EFCAB12: variants seen among roughly 807,000 people sequenced by gnomAD.
EFCAB12 encodes the protein EF-hand calcium-binding domain-containing protein 12.
In EFCAB12, 43 loss-of-function variants were observed where a neutral mutation model predicts 53.6. That is an observed-to-expected ratio of 0.80 (90% CI 0.63 to 1.03). The LOEUF (loss-of-function observed/expected upper bound fraction) is 1.03, where lower values mean the gene tolerates loss of function less well. Among genes scored for constraint, EFCAB12 ranks in the 50% least tolerant of loss-of-function variants. EFCAB12 has a pLI of 0.00. For synonymous variants in EFCAB12, 269 were observed against 289.2 expected (o/e 0.93, Z 0.71); for missense variants, 646 against 730.6 (o/e 0.88, Z 1.34).
chr3:129,402,438 A>T, intron 8 of EFCAB12, 85 bp downstream of exon 8: 1 of 1,435,732 alleles, frequency 7.0e-7, no homozygotes, highest in South Asian at 1.2e-5. Context: ...CTGTTGTGCC[A>T]GGAGTGCAGA....
At position 129,421,710 on chromosome 3, in the gene EFCAB12, T is replaced by C; in HGVS notation, c.143A>G (p.Lys48Arg). Residue 48 changes from lysine to arginine, a missense_variant, in exon 2 of 9, where the codon AAG becomes AGG. Coordinates refer to ENST00000505956, the MANE Select transcript of EFCAB12 (RefSeq NM_207307.3). ...IAHCFKQFQQ[K>R]DFRLPQTRRR... Reference sequence around the variant, plus strand: ...GCGGGTCTGAGGCAGGCGGAAGTCCTTCTGCTGGAACTGCTTGAAGCAGTG... The same window carrying C: ...GCGGGTCTGAGGCAGGCGGAAGTCCCTCTGCTGGAACTGCTTGAAGCAGTG... The C allele has an allele frequency of 6.2e-7, 1 of 1,613,812 alleles. No homozygotes were observed. The highest frequency in any genetic ancestry group is 8.5e-7 in the Non-Finnish European group (1 of 1,179,846).
Position 129,408,708 on chromosome 3 carries a change from G to T in EFCAB12, c.1186C>A (p.Leu396Met). 6.3e-7 allele frequency: 1 copy of T among 1,589,194 alleles called. No individual in the cohort carries two copies. Residue 396 changes from leucine (L) to methionine (M), a missense_variant, in exon 6 of 9, where the codon CTG (leucine) becomes ATG (methionine). Transcript: ENST00000505956. ...SARRHNFLVY[L>M]QCWKLCKSYG... ...GACTTACAGAGCTTCCAGCATTGCA[G>T]GTAGACCAGAAAGTTGTGCCTGCGG... is the stretch of plus-strand genomic sequence containing the variant.
At chr3:129,410,853 A>G (rs1380958017) in intron 5 of EFCAB12, among the ~76,000 whole-genome samples, 2 of 152,206 alleles carry the variant, frequency 1.3e-5, no homozygotes, top group Admixed American at 1.3e-4. Flanking sequence ...GCCCTGTGCC[A>G]GGTGCCTGGA....
At position 129,428,493 on chromosome 3, in the gene EFCAB12, G is replaced by T. The variant is rs766660753; in HGVS notation, c.-5C>A. The T allele has an allele frequency of 6.2e-7, 1 of 1,611,184 alleles. No individual in the cohort carries two copies. Among genetic ancestry groups the T allele is most frequent in the Admixed American group, 1.7e-5 (1 of 59,616 alleles). On this transcript the variant is annotated 5_prime_UTR_variant, in exon 1 of 9. Coordinates refer to ENST00000505956, the MANE Select transcript of EFCAB12 (RefSeq NM_207307.3). Reference sequence around the variant, plus strand: ...CGCTTCATAGTCGTCGTCCATGGTCGTGGTGCTGGGAGGGGGTGCTGAAGG... The same window carrying T: ...CGCTTCATAGTCGTCGTCCATGGTCTTGGTGCTGGGAGGGGGTGCTGAAGG...
intron 4 of EFCAB12, chr3:129,413,498 AAAAGCAGACT>A (rs1393033088): frequency 6.6e-6 from 1 of 152,262 alleles, no homozygotes; most frequent in Non-Finnish European, 1.5e-5. Context: ...TAGGGAAGCT[AAAAGCAGACT>A]TGGGGGATAT....
intron 3 of EFCAB12, among the ~76,000 whole-genome samples, chr3:129,417,344 A>AC (rs796923195): frequency 0.045 from 6,584 of 144,740 alleles, 717 homozygotes; most frequent in East Asian, 0.4. Flanking sequence ...AAAAAACCAA[A>AC]AAAAAAAAAC....
chr3:129,406,048 T>TAAAAAAA (rs528836223), intron 6 of EFCAB12, among the ~76,000 whole-genome samples: 2 of 137,854 alleles, frequency 1.5e-5, no homozygotes, highest in East Asian at 2.1e-4. Flanking sequence ...CCCCATCTCT[T>TAAAAAAA]AAAAAAAAAA....
Position 129,408,971 on chromosome 3 carries a change from G to C in EFCAB12, c.1036-113C>G, listed in dbSNP as rs947632246. The C allele has an allele frequency of 2.1e-5, 26 of 1,237,210 alleles. No individual in the cohort carries two copies. In the South Asian group the frequency reaches 3.1e-4, roughly 15 times the overall value. 76.6% of individuals were successfully genotyped at this position (1,237,210 alleles called of 1,614,324 possible). On this transcript the variant is annotated intron_variant, in intron 5 of 8. Coordinates refer to ENST00000505956, the MANE Select transcript of EFCAB12 (RefSeq NM_207307.3). ...CCTCTCCCCTGCGAGGTCCCCATGA[G>C]GGGTGATGGCAACCAACGTCCAGTG...
In EFCAB12 at chr3:129,411,285, G is replaced by A. The variant is rs1366286684; in HGVS notation, c.908C>T (p.Pro303Leu). Residue 303 changes from proline to leucine, a missense_variant, in exon 5 of 9, where the codon CCA becomes CTA. Physicochemically the swap from Pro to Leu is moderately conservative, Grantham distance 98. Transcript: ENST00000505956. The part of the protein sequence containing the change: ...PLKKQEVDSA[P>L]QLPKVDLLTV... ...CAGTAGGTCCACTTTGGGAAGCTGT[G>A]GGGCTGAATCCACCTCCTGCTTCTT... is the stretch of plus-strand genomic sequence containing the variant. The A allele has an allele frequency of 6.2e-7, 1 of 1,612,724 alleles. No individual in the cohort carries two copies. The highest frequency in any genetic ancestry group is 1.3e-5 in the African/African-American group (1 of 75,006).
chr3:129,411,369 A>T lies in EFCAB12; in HGVS notation c.839-15T>A. 1 of 1,550,530 alleles carries T rather than the reference A, an allele frequency of 6.4e-7. No individual in the cohort carries two copies. Among genetic ancestry groups the T allele is most frequent in the Non-Finnish European group, 8.7e-7 (1 of 1,144,898 alleles). ...CAAGATATAATCTGGAGTCAGAGGG[A>T]AGAGATGAAGGAAGGAGGGACTAAG... is the stretch of plus-strand genomic sequence containing the variant. On this transcript the variant is annotated splice_polypyrimidine_tract_variant and intron_variant, in intron 4 of 8. Coordinates refer to ENST00000505956, the MANE Select transcript of EFCAB12 (RefSeq NM_207307.3).
At chr3:129,417,290 A>G (rs1378647512) in intron 3 of EFCAB12, among the ~76,000 whole-genome samples, 1 of 140,362 alleles carries the variant, frequency 7.1e-6, no homozygotes, top group Non-Finnish European at 1.5e-5. Flanking sequence ...GCACCACCGC[A>G]CTCCAGCCTG....
chr3:129,401,573 C>T lies in EFCAB12; in HGVS notation c.*20G>A. ...GGCCCCTGGCCCAGGAAGGCTGGGT[C>T]CGGCAACACCTGGCTAGCTCTAGTT... On this transcript the variant is annotated 3_prime_UTR_variant, in exon 9 of 9. Transcript: ENST00000505956. 6.7e-7 allele frequency: 1 copy of T among 1,500,772 alleles called. No individual in the cohort carries two copies. The highest frequency in any genetic ancestry group is 9.0e-7 in the Non-Finnish European group (1 of 1,116,222). The allele number at this position is 1,500,772 out of a possible 1,614,324, so 93.0% of individuals were successfully genotyped here.
Position 129,421,801 on chromosome 3 carries a change from G to T in EFCAB12, c.52C>A (p.Leu18Ile). ...TTGATGGGAGTCTTAGACGGGCAGA[G>T]TCCTTGGGGTAAGAGAGTTAAAAGA... Reference protein sequence around the residue: ...YHSLFLSLLGLCPSKTPINEN... With the variant: ...YHSLFLSLLGICPSKTPINEN... The change falls in exon 2 of 9, where the codon CTC (leucine) becomes ATC (isoleucine). Residue 18 changes from leucine to isoleucine, a missense_variant and splice_region_variant. By Grantham distance (5) the Leu-to-Ile change is conservative. Transcript: ENST00000505956. 1.2e-6 allele frequency: 2 copies of T among 1,609,992 alleles called. No homozygotes were observed. Among genetic ancestry groups the T allele is most frequent in the Non-Finnish European group, 1.7e-6 (2 of 1,177,534 alleles).
chr3:129,406,913 T>G lies in EFCAB12; in HGVS notation c.1249+1732A>C, dbSNP rs150970746. On this transcript the variant is annotated intron_variant, in intron 6 of 8. Transcript: ENST00000505956. ...TCTCGCTCTGTCACTCAGGCTGGAG[T>G]ACAGTGGTATGATCATAGCTCACCA... 4.6e-3 allele frequency among the ~76,000 whole-genome samples: 682 copies of G among 149,824 alleles called. 6 individuals are homozygous for G. The highest frequency in any genetic ancestry group is 0.016 in the African/African-American group (658 of 40,528).
At chr3:129,423,150 T>G (rs555474384) in intron 1 of EFCAB12, among the ~76,000 whole-genome samples, 79 of 152,208 alleles carry the variant, frequency 5.2e-4, no homozygotes, top group Non-Finnish European at 2.6e-4. Flanking sequence ...AGCTGAGACA[T>G]GAACTTCAGT....
chr3:129,407,863 G>T (rs556716330), intron 6 of EFCAB12, among the ~76,000 whole-genome samples: 1 of 152,198 alleles, frequency 6.6e-6, no homozygotes, highest in Non-Finnish European at 1.5e-5. Flanking sequence ...GCAGTGAGCC[G>T]CAATCGCACT....
intron 2 of EFCAB12, among the ~76,000 whole-genome samples, chr3:129,419,690 C>T (rs1236615702): frequency 6.6e-6 from 1 of 152,192 alleles, no homozygotes; most frequent in African/African-American, 2.4e-5. Flanking sequence ...TGACTGTGGC[C>T]CAGGCCAACA....
intron 2 of EFCAB12, among the ~76,000 whole-genome samples, chr3:129,420,331 C>T (rs2072173293): frequency 6.6e-6 from 1 of 152,126 alleles, no homozygotes; most frequent in African/African-American, 2.4e-5. Flanking sequence ...ATGGTTGTCT[C>T]CATTTTATAG....
chr3:129,405,395 A>G (rs1404318474), intron 6 of EFCAB12, among the ~76,000 whole-genome samples: 1 of 152,164 alleles, frequency 6.6e-6, no homozygotes, highest in African/African-American at 2.4e-5. Context: ...AGGGGGAGAT[A>G]TGTAACATTA....
Sources: gnomAD v4.1 joint callset for allele counts (sites outside exome capture counted in the v4.1 genomes callset) on GRCh38, gnomAD v4.1.1 for gene constraint, MANE v1.5 for transcripts, NCBI Gene and HGNC (gene_info 2026-07-23, HGNC 2026-07-21) for gene names.